The following CCDC171 variants were observed in gnomAD, a reference collection of about 807,000 sequenced individuals.
CCDC171 encodes coiled-coil domain-containing protein 171.
A neutral mutation model predicts 168.2 loss-of-function variants in CCDC171; 177 were observed. The observed-to-expected ratio is 1.05, with a 90% CI of 0.93 to 1.19. The LOEUF is 1.19. Among genes scored for constraint, CCDC171 ranks in the 50% most tolerant of loss-of-function variants. CCDC171 has a pLI of 0.00. For synonymous variants in CCDC171, 687 were observed against 540.8 expected (o/e 1.27, Z -3.75); for missense variants, 1,991 against 1,539.0 (o/e 1.29, Z -4.91).
At chr9:16,053,638 C>T (rs1249577214) in intron 1 of CCDC171, among the ~76,000 whole-genome samples, 1 of 152,214 alleles carries the variant, frequency 6.6e-6, no homozygotes, top group Non-Finnish European at 1.5e-5. Flanking sequence ...TGAGCACGGC[C>T]CCTCTCCATC....
chr9:15,554,809 A>G (rs1191384852), intron 1 of CCDC171, among the ~76,000 whole-genome samples: 1 of 152,174 alleles, frequency 6.6e-6, no homozygotes, highest in African/African-American at 2.4e-5. Flanking sequence ...CCGGCTGAAT[A>G]TTTTTACACA....
chr9:15,645,099 T>G lies in CCDC171; in HGVS notation c.823-12028T>G, dbSNP rs142603864. Among the ~76,000 whole-genome samples, 477 of 152,342 alleles carry G rather than the reference T, an allele frequency of 3.1e-3. 17 individuals carry two copies. In the East Asian group the frequency reaches 0.077, roughly 25 times the overall value. Reference sequence around the variant, plus strand: ...GGCTGTTCAGCAATATTTGCTGTTCTGCAGCTTCCGCTGCTGATATCCAGG... The same window carrying G: ...GGCTGTTCAGCAATATTTGCTGTTCGGCAGCTTCCGCTGCTGATATCCAGG... On this transcript the variant is annotated intron_variant, in intron 7 of 25. Coordinates refer to ENST00000380701, the MANE Select transcript of CCDC171 (RefSeq NM_173550.4).
At chr9:15,843,207 A>G (rs1040709175) in intron 21 of CCDC171, among the ~76,000 whole-genome samples, 1 of 152,090 alleles carries the variant, frequency 6.6e-6, no homozygotes, top group East Asian at 1.9e-4. Flanking sequence ...CAATAAAGAT[A>G]TTATATAATA....
chr9:16,078,084 ACACACACACACACACT>A, the CCDC171 span, among the ~76,000 whole-genome samples: 10 of 147,284 alleles, frequency 6.8e-5, no homozygotes, highest in African/African-American at 2.4e-4. Flanking sequence ...ACACACACAC[ACACACACACACACACT>A]CACAAAGGTG....
intron 8 of CCDC171, among the ~76,000 whole-genome samples, chr9:15,665,061 T>C (rs149113256): frequency 0.013 from 1,995 of 152,296 alleles, 18 homozygotes; most frequent in Middle Eastern, 0.044. Context: ...TTCAATACTT[T>C]ACTCACGTCA....
In CCDC171 at chr9:15,766,995, G is replaced by GT. The variant is rs376305419; in HGVS notation, c.2672-10597dup. Reference sequence around the variant, plus strand: ...TTATATTTAAAGGAGGGATGTGTCAGTTTTTTTTAAAAATGCCAAAATTTA... The same window carrying GT: ...TTATATTTAAAGGAGGGATGTGTCAGTTTTTTTTTAAAAATGCCAAAATTTA... On this transcript the variant is annotated intron_variant, in intron 18 of 25. Coordinates refer to ENST00000380701, the MANE Select transcript of CCDC171 (RefSeq NM_173550.4). Among the ~76,000 whole-genome samples the GT allele has an allele frequency of 8.0e-3, 1,223 of 152,114 alleles. 12 individuals are homozygous for GT. The highest frequency in any genetic ancestry group is 0.028 in the African/African-American group (1,161 of 41,460).
At chr9:15,706,376 A>T (rs2052236699) in intron 11 of CCDC171, among the ~76,000 whole-genome samples, 1 of 151,872 alleles carries the variant, frequency 6.6e-6, no homozygotes, top group Non-Finnish European at 1.5e-5. Context: ...TGCAGTCTCA[A>T]CCTTCTGGGC....
chr9:15,828,611 G>A (rs1323680750), intron 21 of CCDC171, among the ~76,000 whole-genome samples: 1 of 152,156 alleles, frequency 6.6e-6, no homozygotes, highest in Non-Finnish European at 1.5e-5. Context: ...ATAGATTTAA[G>A]TGCAATACAG....
intron 6 of CCDC171, among the ~76,000 whole-genome samples, chr9:15,611,707 G>C (rs890480962): frequency 6.6e-6 from 1 of 152,134 alleles, no homozygotes; most frequent in Non-Finnish European, 1.5e-5. Context: ...CCTTTTACCA[G>C]GATATGGAGG....
At chr9:16,089,018 G>T in the CCDC171 span, among the ~76,000 whole-genome samples, 1 of 151,978 alleles carries the variant, frequency 6.6e-6, no homozygotes, top group Non-Finnish European at 1.5e-5. Flanking sequence ...CAGATATATA[G>T]ACCAATGGAA....
intron 24 of CCDC171, among the ~76,000 whole-genome samples, chr9:15,912,630 A>G (rs573161985): frequency 6.6e-5 from 10 of 152,304 alleles, no homozygotes; most frequent in Admixed American, 3.9e-4. Flanking sequence ...TTCAAAGGGA[A>G]TGCTTCCGGT....
chr9:15,752,110 C>T lies in CCDC171; in HGVS notation c.2671+6479C>T, dbSNP rs545180263. ...AGTGGGCAAAGGATATGAACAGACA[C>T]TTCTCAAAAGAGGACATTTATACAA... On this transcript the variant is annotated intron_variant, in intron 18 of 25. Coordinates refer to ENST00000380701, the MANE Select transcript of CCDC171 (RefSeq NM_173550.4). Among the ~76,000 whole-genome samples the T allele has an allele frequency of 2.0e-5, 3 of 152,296 alleles. No individual in the cohort carries two copies. In the South Asian group the frequency reaches 6.2e-4, roughly 32 times the overall value.
chr9:15,663,033 A>C (rs2048445995), intron 8 of CCDC171, among the ~76,000 whole-genome samples: 1 of 152,112 alleles, frequency 6.6e-6, no homozygotes. Flanking sequence ...AAATTGCCTG[A>C]TTAGATCCTT....
intron 6 of CCDC171, among the ~76,000 whole-genome samples, chr9:16,031,943 C>T (rs993808366): frequency 6.6e-6 from 1 of 152,206 alleles, no homozygotes; most frequent in Admixed American, 6.5e-5. Context: ...TTCCTCAGTT[C>T]CCACTGCTTG....
At chr9:15,740,788 C>G (rs578113564) in intron 16 of CCDC171, among the ~76,000 whole-genome samples, 21 of 152,082 alleles carry the variant, frequency 1.4e-4, no homozygotes, top group African/African-American at 4.8e-4. Flanking sequence ...GGCTGTTCCC[C>G]TCTCATTCCT....
intron 11 of CCDC171, among the ~76,000 whole-genome samples, chr9:15,708,240 T>C (rs953581644): frequency 6.6e-6 from 1 of 152,252 alleles, no homozygotes; most frequent in Non-Finnish European, 1.5e-5. Flanking sequence ...GGTAGCCTCC[T>C]ATAAAATAGT....
intron 18 of CCDC171, among the ~76,000 whole-genome samples, chr9:15,753,043 GATAAA>G (rs1157908907): frequency 1.3e-5 from 2 of 151,966 alleles, no homozygotes; most frequent in African/African-American, 4.8e-5. Context: ...TATTCTAGGA[GATAAA>G]ATAAAAATGT....
intron 25 of CCDC171, among the ~76,000 whole-genome samples, chr9:15,950,836 A>G (rs1243374634): frequency 2.6e-5 from 4 of 151,714 alleles, no homozygotes; most frequent in Non-Finnish European, 5.9e-5. Flanking sequence ...GGTAAATTGG[A>G]TAAAGAGTCA....
intron 4 of CCDC171, among the ~76,000 whole-genome samples, chr9:15,584,964 TAGAG>T (rs1393577255): frequency 1.3e-5 from 2 of 152,196 alleles, no homozygotes; most frequent in Admixed American, 6.5e-5. Context: ...CAGAGTAAGA[TAGAG>T]AGATGACTAT....
Sources: gnomAD v4.1 joint callset for allele counts (sites outside exome capture counted in the v4.1 genomes callset) on GRCh38, gnomAD v4.1.1 for gene constraint, MANE v1.5 for transcripts, NCBI Gene and HGNC (gene_info 2026-07-23, HGNC 2026-07-21) for gene names.